GDPD5: variants seen among roughly 807,000 people sequenced by gnomAD.
The protein encoded by GDPD5 is glycerophosphodiester phosphodiesterase domain containing 5.
GDPD5 carries 48 observed loss-of-function variants against 75.1 expected under a neutral mutation model. The observed-to-expected ratio is 0.64, with a 90% CI of 0.51 to 0.81. GDPD5 has a LOEUF of 0.81. Among genes scored for constraint, GDPD5 ranks in the 40% least tolerant of loss-of-function variants. The pLI, the probability that GDPD5 is intolerant of heterozygous loss-of-function variation, is 0.00. For missense variants in GDPD5, 706 were observed against 822.6 expected, an observed-to-expected ratio of 0.86 and a Z score of 1.73; for synonymous variants, 336 against 339.0, an observed-to-expected ratio of 0.99 and a Z score of 0.10.
chr11:75,464,193 C>A (rs1222383077), intron 3 of GDPD5, among the ~76,000 whole-genome samples: 2 of 152,256 alleles, frequency 1.3e-5, no homozygotes, highest in Non-Finnish European at 2.9e-5. Flanking sequence ...TACCATCAGT[C>A]TGCCCAGGAA....
chr11:75,469,802 T>A (rs1393328757), intron 3 of GDPD5, among the ~76,000 whole-genome samples: 1 of 152,226 alleles, frequency 6.6e-6, no homozygotes, highest in Non-Finnish European at 1.5e-5. Context: ...CAACTTATGG[T>A]GTTGGGACAT....
At chr11:75,492,541 A>C (rs1197574903) in intron 1 of GDPD5, 1 of 152,290 alleles carries the variant, frequency 6.6e-6, no homozygotes, top group Non-Finnish European at 1.5e-5. Flanking sequence ...ATTTTACCTG[A>C]CATTCAAACT....
At chr11:75,449,144 T>C in intron 8 of GDPD5, 22 bp from the exon 9 acceptor site, 1 of 1,556,422 alleles carries the variant, frequency 6.4e-7, no homozygotes, top group Non-Finnish European at 8.7e-7. Flanking sequence ...GGGCCGTGAG[T>C]GCTGCCTGGT....
chr11:75,440,077 G>A (rs1166475849), intron 14 of GDPD5, 116 bp from the exon 15 acceptor site: 1 of 728,804 alleles, frequency 1.4e-6, no homozygotes, highest in African/African-American at 1.8e-5. Flanking sequence ...GGGCAAGGGA[G>A]GACCCTGAGA....
At chr11:75,462,001 C>A (rs1044554833) in intron 4 of GDPD5, among the ~76,000 whole-genome samples, 3 of 152,208 alleles carry the variant, frequency 2.0e-5, no homozygotes, top group Admixed American at 1.3e-4. Flanking sequence ...GTGGCTCAGA[C>A]GGCCCTGCCT....
intron 10 of GDPD5, among the ~76,000 whole-genome samples, chr11:75,443,577 G>A (rs935763936): frequency 6.6e-6 from 1 of 152,204 alleles, no homozygotes; most frequent in African/African-American, 2.4e-5. Context: ...TGGAAGGTAG[G>A]TGCTGCCTCA....
chr11:75,511,840 G>A (rs1950524932), intron 1 of GDPD5, among the ~76,000 whole-genome samples: 1 of 152,248 alleles, frequency 6.6e-6, no homozygotes, highest in Non-Finnish European at 1.5e-5. Flanking sequence ...AGTTCCAACT[G>A]TGACTTTGTG....
chr11:75,474,823 C>T (rs1220567354), intron 3 of GDPD5, among the ~76,000 whole-genome samples: 1 of 152,246 alleles, frequency 6.6e-6, no homozygotes, highest in Non-Finnish European at 1.5e-5. Flanking sequence ...CACTCCCCAT[C>T]TTGTCCCAAA....
At chr11:75,469,859 G>A (rs748028790) in intron 3 of GDPD5, among the ~76,000 whole-genome samples, 9 of 152,136 alleles carry the variant, frequency 5.9e-5, no homozygotes, top group Non-Finnish European at 7.4e-5. Flanking sequence ...CTCACACCCC[G>A]TACCAAACTA....
chr11:75,461,046 C>A (rs1644273176), intron 4 of GDPD5, among the ~76,000 whole-genome samples: 1 of 152,208 alleles, frequency 6.6e-6, no homozygotes, highest in African/African-American at 2.4e-5. Flanking sequence ...GCTGGAAAGG[C>A]TACTTAACCT....
At chr11:75,458,698 A>AAAT (rs376524229) in intron 4 of GDPD5, among the ~76,000 whole-genome samples, 779 of 57,598 alleles carry the variant, frequency 0.014, 3 homozygotes, top group Non-Finnish European at 0.028. Context: ...ATAAATAAAT[A>AAAT]AAATAAATAA....
Position 75,441,710 on chromosome 11 carries a change from G to A in GDPD5, c.1261C>T (p.Leu421=). The change falls in exon 13 of 17, where the codon CTG becomes TTG. Residue 421 remains leucine, a synonymous_variant. Transcript: ENST00000336898. ...TSGSKEAVAS[L]RRGHIQRLNL... ...AGCCGCTGGATGTGGCCTCTCCGCA[G>A]GCTGGCGACTGCCTCCTTGGAGCCT... The A allele has an allele frequency of 6.2e-7, 1 of 1,610,992 alleles. No individual in the cohort carries two copies. Among genetic ancestry groups the A allele is most frequent in the Non-Finnish European group, 8.5e-7 (1 of 1,179,602 alleles).
chr11:75,458,361 T>C (rs1422268890), intron 4 of GDPD5, among the ~76,000 whole-genome samples: 1 of 152,224 alleles, frequency 6.6e-6, no homozygotes, highest in African/African-American at 2.4e-5. Context: ...TTTCCTCACC[T>C]ATAGGATGGG....
chr11:75,439,610 G>T (rs766868430), intron 15 of GDPD5, among the ~76,000 whole-genome samples: 1 of 152,280 alleles, frequency 6.6e-6, no homozygotes, highest in South Asian at 2.1e-4. Flanking sequence ...AGATGAGCAG[G>T]CCAGCCCGGT....
chr11:75,498,742 G>T lies in GDPD5; in HGVS notation c.-144-8422C>A, dbSNP rs188606209. Among the ~76,000 whole-genome samples, 7 of 152,304 alleles carry T rather than the reference G, an allele frequency of 4.6e-5. No individual in the cohort carries two copies. The East Asian group carries it at 1.3e-3, about 29-fold the overall frequency. On this transcript the variant is annotated intron_variant, in intron 1 of 16. Coordinates refer to ENST00000336898, the MANE Select transcript of GDPD5 (RefSeq NM_030792.8). Reference sequence around the variant, plus strand: ...CACAGTGGGGCTCTCAGAAGGCACTGCCCCTTGCTGACCACACAGCCTGGG... The same window carrying T: ...CACAGTGGGGCTCTCAGAAGGCACTTCCCCTTGCTGACCACACAGCCTGGG...
intron 1 of GDPD5, among the ~76,000 whole-genome samples, chr11:75,501,536 C>T (rs1950304939): frequency 1.3e-5 from 2 of 152,222 alleles, no homozygotes; most frequent in South Asian, 4.1e-4. Context: ...TCAGAGTCAC[C>T]TGCTCCAGGG....
chr11:75,454,346 A>C (rs1316208795), intron 6 of GDPD5, among the ~76,000 whole-genome samples: 1 of 152,252 alleles, frequency 6.6e-6, no homozygotes, highest in African/African-American at 2.4e-5. Flanking sequence ...AAAAGCCAAT[A>C]AATCAGCTGA....
intron 1 of GDPD5, among the ~76,000 whole-genome samples, chr11:75,524,136 C>G (rs1008235702): frequency 6.6e-6 from 1 of 152,236 alleles, no homozygotes; most frequent in Non-Finnish European, 1.5e-5. Context: ...CCCTGGGAGC[C>G]CCCAGCCTTG....
chr11:75,445,090 CT>C (rs1398098511), intron 9 of GDPD5, among the ~76,000 whole-genome samples: 1 of 152,156 alleles, frequency 6.6e-6, no homozygotes, highest in Non-Finnish European at 1.5e-5. Context: ...CTCTAGCACA[CT>C]GCTTGATATA....
Sources: allele counts gnomAD v4.1 joint callset (sites outside exome capture counted in the v4.1 genomes callset), GRCh38; gene constraint gnomAD v4.1.1; transcripts MANE v1.5; gene names NCBI Gene and HGNC (gene_info 2026-07-23, HGNC 2026-07-21).